PRR16: variants seen among roughly 807,000 people sequenced by gnomAD.
PRR16 encodes protein Largen.
In PRR16, 6 loss-of-function variants were observed where a neutral mutation model predicts 18.2. The observed-to-expected ratio is 0.33, with a 90% CI of 0.18 to 0.65. PRR16 has a LOEUF of 0.65. PRR16 is among the 30% of genes least tolerant of loss of function. The pLI is 0.74. For missense variants in PRR16, 412 were observed against 376.6 expected (o/e 1.09, Z -0.78); for synonymous variants, 151 against 147.8 (o/e 1.02, Z -0.16).
intron 1 of PRR16, among the ~76,000 whole-genome samples, chr5:120,665,889 C>T (rs1320510428): frequency 1.3e-4 from 19 of 150,246 alleles, no homozygotes; most frequent in South Asian, 2.1e-4. Context: ...AGTCAGGTAG[C>T]GTGATGCCTC....
At chr5:120,499,886 G>A (rs556446906) in intron 1 of PRR16, among the ~76,000 whole-genome samples, 89 of 152,032 alleles carry the variant, frequency 5.9e-4, no homozygotes, top group African/African-American at 2.1e-3. Flanking sequence ...GGTGTAACAT[G>A]TCACTACTCC....
At chr5:120,607,108 G>A (rs1295595839) in intron 1 of PRR16, among the ~76,000 whole-genome samples, 4 of 151,928 alleles carry the variant, frequency 2.6e-5, no homozygotes, top group South Asian at 2.1e-4. Flanking sequence ...TTTTGTAATC[G>A]CCTCATTGAA....
chr5:120,755,992 C>T, the PRR16 span, among the ~76,000 whole-genome samples: 2 of 152,088 alleles, frequency 1.3e-5, no homozygotes, highest in Non-Finnish European at 2.9e-5. Flanking sequence ...ACTTAGTTTA[C>T]ACCCTATGTA....
chr5:120,488,197 T>C (rs1446421991), intron 1 of PRR16, among the ~76,000 whole-genome samples: 1 of 152,184 alleles, frequency 6.6e-6, no homozygotes, highest in African/African-American at 2.4e-5. Flanking sequence ...CTTTTTCTGT[T>C]GATTGGAATA....
In PRR16 at chr5:120,523,339, G is replaced by A. The variant is rs1751247919; in HGVS notation, c.159+58694G>A. On this transcript the variant is annotated intron_variant, in intron 1 of 1. Transcript: ENST00000407149. ...ATTTTGTTAGAGTAATTTAGTTGTAGCCTATGGTATTAAGTCTGTTACTTA... is the reference window on the plus strand; with the variant it reads ...ATTTTGTTAGAGTAATTTAGTTGTAACCTATGGTATTAAGTCTGTTACTTA... 2.0e-5 allele frequency among the ~76,000 whole-genome samples: 3 copies of A among 152,260 alleles called. No homozygotes were observed. In the South Asian group the frequency reaches 6.2e-4, roughly 32 times the overall value.
chr5:120,505,668 G>A (rs1454542296), intron 1 of PRR16, among the ~76,000 whole-genome samples: 3 of 152,082 alleles, frequency 2.0e-5, no homozygotes, highest in Non-Finnish European at 4.4e-5. Flanking sequence ...TTTTATAACA[G>A]ATTGCTGCAG....
chr5:120,541,496 A>G (rs555969070), intron 1 of PRR16, among the ~76,000 whole-genome samples: 3 of 152,218 alleles, frequency 2.0e-5, no homozygotes, highest in East Asian at 3.9e-4. Flanking sequence ...ACTCTGTGTC[A>G]TTTCTCGTCA....
At chr5:120,553,887 G>T (rs1052103278) in intron 1 of PRR16, among the ~76,000 whole-genome samples, 4 of 151,838 alleles carry the variant, frequency 2.6e-5, no homozygotes, top group African/African-American at 4.8e-5. Flanking sequence ...AAATTTTCTA[G>T]CAAGTCATAC....
At chr5:120,758,531 T>C in the PRR16 span, among the ~76,000 whole-genome samples, 1 of 152,170 alleles carries the variant, frequency 6.6e-6, no homozygotes, top group Non-Finnish European at 1.5e-5. Flanking sequence ...CCCCGCATAT[T>C]GAAGGGGGGA....
At chr5:120,539,259 T>TA (rs1751830506) in intron 1 of PRR16, among the ~76,000 whole-genome samples, 2 of 151,392 alleles carry the variant, frequency 1.3e-5, no homozygotes, top group South Asian at 4.2e-4. Context: ...TAGAAAATAA[T>TA]ATTTTTTCTA....
At chr5:120,571,073 G>A (rs1478834225) in intron 1 of PRR16, among the ~76,000 whole-genome samples, 1 of 152,096 alleles carries the variant, frequency 6.6e-6, no homozygotes, top group Admixed American at 6.6e-5. Flanking sequence ...GACGGCATTT[G>A]AGCAGAGGAT....
At chr5:120,775,329 A>C in the PRR16 span, among the ~76,000 whole-genome samples, 4 of 152,252 alleles carry the variant, frequency 2.6e-5, no homozygotes, top group African/African-American at 7.2e-5. Context: ...CATTACTATC[A>C]GTCCAAGTCA....
intron 1 of PRR16, among the ~76,000 whole-genome samples, chr5:120,545,714 C>T (rs189241274): frequency 1.3e-5 from 2 of 152,130 alleles, no homozygotes; most frequent in Admixed American, 6.6e-5. Context: ...TTACACTGCT[C>T]TTAGTGAATC....
At chr5:120,577,426 A>G (rs922794278) in intron 1 of PRR16, among the ~76,000 whole-genome samples, 1 of 151,718 alleles carries the variant, frequency 6.6e-6, no homozygotes, top group Non-Finnish European at 1.5e-5. Flanking sequence ...TTTGACTGGC[A>G]TACTAGTTCA....
At chr5:120,654,371 A>G (rs543201099) in intron 1 of PRR16, among the ~76,000 whole-genome samples, 10 of 152,150 alleles carry the variant, frequency 6.6e-5, no homozygotes, top group African/African-American at 2.4e-4. Context: ...TTCTTTGCAT[A>G]GGAAACTAGA....
chr5:120,784,131 C>A, the PRR16 span, among the ~76,000 whole-genome samples: 1 of 152,042 alleles, frequency 6.6e-6, no homozygotes, highest in Non-Finnish European at 1.5e-5. Flanking sequence ...ATATTTATTT[C>A]ATATCTTGGC....
rs183458341 is a variant in PRR16, at chr5:120,624,433, A to G, written c.160-61521A>G. 2.0e-5 allele frequency among the ~76,000 whole-genome samples: 3 copies of G among 152,216 alleles called. No homozygotes were observed. The East Asian group carries it at 5.8e-4, about 30-fold the overall frequency. ...GATCATGCCTCCATTTGCCTTTTCC[A>G]GTAATATATTTTGCTTCAGTAAAAT... is the stretch of plus-strand genomic sequence containing the variant. On this transcript the variant is annotated intron_variant, in intron 1 of 1. Transcript: ENST00000407149.
At position 120,686,006 on chromosome 5, in the gene PRR16, T is replaced by A. The variant is rs772036020; in HGVS notation, c.212T>A (p.Met71Lys). ...LTSDLQLEDE[M>K]TDSSKTDTLN... ...TCTGACCTACAGCTGGAGGATGAGA[T>A]GACTGACAGCTCCAAAACGGACACG... The change falls in exon 2 of 2, where the codon ATG becomes AAG. Residue 71 changes from methionine to lysine, a missense_variant. Met to Lys is a moderately conservative substitution (Grantham distance 95). Transcript: ENST00000407149. 1.2e-6 allele frequency: 2 copies of A among 1,614,100 alleles called. No homozygotes were observed. The highest frequency in any genetic ancestry group is 1.7e-6 in the Non-Finnish European group (2 of 1,179,970).
chr5:120,634,958 C>CA (rs1475619570), intron 1 of PRR16, among the ~76,000 whole-genome samples: 1 of 151,564 alleles, frequency 6.6e-6, no homozygotes, highest in African/African-American at 2.4e-5. Context: ...TATATAAATA[C>CA]AAAAAAATAT....
Sources: gnomAD v4.1 joint callset for allele counts (sites outside exome capture counted in the v4.1 genomes callset) on GRCh38, gnomAD v4.1.1 for gene constraint, MANE v1.5 for transcripts, NCBI Gene and HGNC (gene_info 2026-07-23, HGNC 2026-07-21) for gene names.